The following TRIM33 variants were observed in gnomAD, a reference collection of about 807,000 sequenced individuals.
The protein encoded by TRIM33 is tripartite motif containing 33, also known as E3 ubiquitin-protein ligase TRIM33.
In TRIM33, 20 loss-of-function variants were observed where a neutral mutation model predicts 125.4. That is an observed-to-expected ratio of 0.16 (90% CI 0.11 to 0.23). TRIM33 has a LOEUF of 0.23. Among genes scored for constraint, TRIM33 ranks in the 10% least tolerant of loss-of-function variants. The pLI is 1.00. For missense variants in TRIM33, 920 were observed against 1,411.4 expected (o/e 0.65, Z 5.58); for synonymous variants, 564 against 513.9 (o/e 1.10, Z -1.32).
intron 4 of TRIM33, among the ~76,000 whole-genome samples, chr1:114,452,478 TAAAC>T (rs757913023): frequency 6.6e-6 from 1 of 151,720 alleles, no homozygotes; most frequent in Non-Finnish European, 1.5e-5. Flanking sequence ...ATAATAATAA[TAAAC>T]AATCATAAGA....
At chr1:114,435,905 T>A (rs944343253) in intron 4 of TRIM33, among the ~76,000 whole-genome samples, 4 of 137,266 alleles carry the variant, frequency 2.9e-5, no homozygotes, top group South Asian at 4.7e-4. Flanking sequence ...TTTTTTTTTT[T>A]ACTTTTTTGT....
At position 114,427,872 on chromosome 1, in the gene TRIM33, A is replaced by G; in HGVS notation, c.1178T>C (p.Met393Thr). Residue 393 changes from methionine to threonine, a missense_variant, in exon 7 of 20, where the codon ATG becomes ACG. Coordinates refer to ENST00000358465, the MANE Select transcript of TRIM33 (RefSeq NM_015906.4). ...QLENVTKERQ[M>T]KLLQQQNDIT... is the part of the protein sequence containing the mutation. Reference sequence around the variant, plus strand: ...GTCATTCTGCTGCTGTAGTAACTTCATCTGTCTTTCCTTTGTAACATTCTG... The same window carrying G: ...GTCATTCTGCTGCTGTAGTAACTTCGTCTGTCTTTCCTTTGTAACATTCTG... 3.1e-6 allele frequency: 5 copies of G among 1,614,156 alleles called. No homozygotes were observed. Among genetic ancestry groups the G allele is most frequent in the Non-Finnish European group, 4.2e-6 (5 of 1,180,004 alleles).
chr1:114,501,525 A>G (rs1305170574), intron 1 of TRIM33, among the ~76,000 whole-genome samples: 1 of 152,226 alleles, frequency 6.6e-6, no homozygotes, highest in Non-Finnish European at 1.5e-5. Context: ...ACTTTTTAAT[A>G]AAGTCACTAT....
At position 114,405,436 on chromosome 1, in the gene TRIM33, A is replaced by G. The variant is rs372448395; in HGVS notation, c.2742T>C (p.His914=). The change falls in exon 15 of 20, where the codon CAT becomes CAC. Residue 914 remains histidine, a synonymous_variant. Transcript: ENST00000358465. The part of the protein sequence containing the change: ...KCPKVFHLTC[H]VPTLLSFPSG... ...TTGGAAAGCTAAGTAGTGTTGGAAC[A>G]TGACAAGTTAGATGAAAGACCTTTG... The G allele has an allele frequency of 1.1e-5, 17 of 1,613,354 alleles. No homozygotes were observed. In the African/African-American group the frequency reaches 2.1e-4, roughly 20 times the overall value.
At chr1:114,473,933 A>T (rs1313072438) in intron 1 of TRIM33, among the ~76,000 whole-genome samples, 1 of 152,142 alleles carries the variant, frequency 6.6e-6, no homozygotes, top group Non-Finnish European at 1.5e-5. Flanking sequence ...ATTTTTCCAG[A>T]TATAGTCTCT....
chr1:114,460,483 TGAGGA>T (rs1006170487), intron 4 of TRIM33: 1 of 150,244 alleles, frequency 6.7e-6, no homozygotes, highest in African/African-American at 2.5e-5. Context: ...ATCCAAGAAA[TGAGGA>T]GAGAGATAAC....
At chr1:114,488,291 A>G (rs965169987) in intron 1 of TRIM33, among the ~76,000 whole-genome samples, 3 of 152,212 alleles carry the variant, frequency 2.0e-5, no homozygotes, top group African/African-American at 7.2e-5. Flanking sequence ...ACAGAAAACA[A>G]TAACATATTT....
intron 9 of TRIM33, 65 bp downstream of exon 9, chr1:114,425,384 T>C (rs1028514105): frequency 1.0e-5 from 16 of 1,559,292 alleles, no homozygotes; most frequent in East Asian, 2.2e-5. Flanking sequence ...CTTAATTATA[T>C]AGGAAAAAGT....
At chr1:114,444,731 T>C (rs908943279) in intron 4 of TRIM33, among the ~76,000 whole-genome samples, 1 of 152,204 alleles carries the variant, frequency 6.6e-6, no homozygotes, top group Non-Finnish European at 1.5e-5. Flanking sequence ...GAAGATAAAA[T>C]TTCTAGAATT....
At chr1:114,463,082 T>G in intron 4 of TRIM33, 22 bp downstream of exon 4, 1 of 1,553,050 alleles carries the variant, frequency 6.4e-7, no homozygotes, top group Non-Finnish European at 8.7e-7. Context: ...TATTTCCTGG[T>G]AAGCAATTAT....
intron 1 of TRIM33, among the ~76,000 whole-genome samples, chr1:114,502,528 TCAGA>T (rs1343200761): frequency 2.0e-5 from 3 of 152,358 alleles, no homozygotes; most frequent in East Asian, 3.9e-4. Context: ...GTTTGTTTTC[TCAGA>T]CAGTCTCACT....
Position 114,424,612 on chromosome 1 carries a change from C to T in TRIM33, c.1839G>A (p.Met613Ile), listed in dbSNP as rs762500303. Residue 613 changes from methionine to isoleucine, a missense_variant, in exon 10 of 20, where the codon ATG becomes ATA. Around this residue, in one of 8 missense-constraint regions of TRIM33, gnomAD observed 407 missense variants for 589.7 expected, o/e 0.69. Coordinates refer to ENST00000358465, the MANE Select transcript of TRIM33 (RefSeq NM_015906.4). ...ATACTTGTCTTTGGAGGTGTGGCTG[C>T]ATCATGGAATATTGAGGGCCGCTGT... is the stretch of plus-strand genomic sequence containing the variant. The part of the protein sequence containing the change: ...PRHSGPQYSM[M>I]QPHLQRQHSN... 2.5e-6 allele frequency: 4 copies of T among 1,597,324 alleles called. No individual in the cohort carries two copies. The highest frequency in any genetic ancestry group is 2.3e-5 in the South Asian group (2 of 87,546).
intron 4 of TRIM33, among the ~76,000 whole-genome samples, chr1:114,444,718 G>A (rs374604575): frequency 6.6e-6 from 1 of 152,178 alleles, no homozygotes; most frequent in Admixed American, 6.5e-5. Flanking sequence ...CAAGTCTTCA[G>A]AGGAAGATAA....
intron 4 of TRIM33, among the ~76,000 whole-genome samples, chr1:114,443,098 T>C (rs1648754761): frequency 6.7e-6 from 1 of 150,282 alleles, no homozygotes; most frequent in Non-Finnish European, 1.5e-5. Flanking sequence ...ATAATGGAGA[T>C]GGGGGCCAGG....
In TRIM33 at chr1:114,511,011, T is replaced by G; in HGVS notation, c.66A>C (p.Val22=). 1 of 1,326,304 alleles carries G rather than the reference T, an allele frequency of 7.5e-7. No individual in the cohort carries two copies. The highest frequency in any genetic ancestry group is 9.6e-7 in the Non-Finnish European group (1 of 1,039,576). 82.2% of individuals were successfully genotyped at this position (1,326,304 alleles called of 1,614,324 possible). A position where few individuals can be genotyped will look rare whatever the true frequency, so the allele number is the denominator to read the frequency against. Residue 22 remains valine (V), a synonymous_variant, in exon 1 of 20, where the codon GTA becomes GTC. Coordinates refer to ENST00000358465, the MANE Select transcript of TRIM33 (RefSeq NM_015906.4). ...SGGGGSGSAP[V]TAGAAGPAAQ... is the part of the protein sequence containing the mutation. ...CGGCGGGCCCGGCGGCCCCGGCAGT[T>G]ACCGGCGCGCTGCCGCTGCCCCCGC...
intron 4 of TRIM33, among the ~76,000 whole-genome samples, chr1:114,453,037 G>C (rs1649411519): frequency 6.6e-6 from 1 of 152,120 alleles, no homozygotes; most frequent in Non-Finnish European, 1.5e-5. Context: ...TTGGTAGGGA[G>C]GGAAAAGAAT....
intron 4 of TRIM33, among the ~76,000 whole-genome samples, chr1:114,460,562 C>T (rs760558969): frequency 6.9e-5 from 10 of 145,390 alleles, no homozygotes; most frequent in Non-Finnish European, 1.3e-4. Context: ...GTGTTTAACA[C>T]CCCCCGCCAC....
Position 114,480,847 on chromosome 1 carries a change from A to C in TRIM33, c.527-16459T>G, listed in dbSNP as rs78211076. Reference sequence around the variant, plus strand: ...TAAAAGGAGAGGAGAAGATAAAATCATGAATAAATAGGGATAAAGTAAAAG... The same window carrying C: ...TAAAAGGAGAGGAGAAGATAAAATCCTGAATAAATAGGGATAAAGTAAAAG... On this transcript the variant is annotated intron_variant, in intron 1 of 19. Coordinates refer to ENST00000358465, the MANE Select transcript of TRIM33 (RefSeq NM_015906.4). Among the ~76,000 whole-genome samples, 758 of 152,310 alleles carry C rather than the reference A, an allele frequency of 5.0e-3. 6 individuals carry two copies. The highest frequency in any genetic ancestry group is 0.017 in the African/African-American group (717 of 41,562).
intron 10 of TRIM33, among the ~76,000 whole-genome samples, chr1:114,421,939 C>T (rs1377030878): frequency 2.6e-5 from 4 of 152,158 alleles, no homozygotes; most frequent in Admixed American, 2.0e-4. Flanking sequence ...TTTTCAAACA[C>T]CGGGGTAAGA....
Sources: gnomAD v4.1 joint callset for allele counts (sites outside exome capture counted in the v4.1 genomes callset) on GRCh38, gnomAD v4.1.1 for gene constraint, gnomAD v4.1.1 regional missense constraint, MANE v1.5 for transcripts, NCBI Gene and HGNC (gene_info 2026-07-23, HGNC 2026-07-21) for gene names.